CACNA1E: variants seen among roughly 807,000 people sequenced by gnomAD.
The protein encoded by CACNA1E is voltage-dependent R-type calcium channel subunit alpha-1E.
In CACNA1E, 40 loss-of-function variants were observed where a neutral mutation model predicts 259.2. The observed-to-expected ratio is 0.15, with a 90% confidence interval of 0.12 to 0.20. The LOEUF (loss-of-function observed/expected upper bound fraction) is 0.20. CACNA1E is among the 10% of genes least tolerant of loss of function. The probability of loss-of-function intolerance (pLI) is 1.00; values close to 1 mark genes in which losing one functional copy is unlikely to be tolerated. For synonymous variants in CACNA1E, 1,104 were observed against 1,138.5 expected, an observed-to-expected ratio of 0.97 and a Z score of 0.61; for missense variants, 1,874 against 3,040.1, an observed-to-expected ratio of 0.62 and a Z score of 9.02.
chr1:181,699,073 A>G (rs576434644), intron 7 of CACNA1E, among the ~76,000 whole-genome samples: 1 of 152,354 alleles, frequency 6.6e-6, no homozygotes, highest in Non-Finnish European at 1.5e-5. Context: ...GTCCTGGTAG[A>G]GAATTCTTAG....
upstream of CACNA1E, among the ~76,000 whole-genome samples, chr1:181,481,336 A>T (rs185462882): frequency 7.6e-3 from 248 of 32,844 alleles, 2 homozygotes; most frequent in African/African-American, 0.027. Context: ...GAATTTTCCT[A>T]CACACACACA....
upstream of CACNA1E, among the ~76,000 whole-genome samples, chr1:181,481,130 G>A (rs1226539670): frequency 6.6e-6 from 1 of 152,176 alleles, no homozygotes. Context: ...TATTCAGACA[G>A]AAGAGGACCC....
intron 1 of CACNA1E, among the ~76,000 whole-genome samples, chr1:181,366,333 A>G (rs978385703): frequency 2.0e-5 from 3 of 152,180 alleles, no homozygotes; most frequent in Non-Finnish European, 4.4e-5. Context: ...AAGGCAATGC[A>G]ATGTGCTAGA....
chr1:181,472,734 C>T (rs648357), intron 2 of CACNA1E, among the ~76,000 whole-genome samples: 1 of 152,138 alleles, frequency 6.6e-6, no homozygotes, highest in Non-Finnish European at 1.5e-5. Flanking sequence ...TGTGTGTGCG[C>T]GCGCACTTGA....
At chr1:181,360,640 A>T (rs535554760) in intron 1 of CACNA1E, among the ~76,000 whole-genome samples, 2 of 152,232 alleles carry the variant, frequency 1.3e-5, no homozygotes, top group African/African-American at 4.8e-5. Context: ...TGAGGAATGG[A>T]AATGTTCTGG....
chr1:181,721,474 A>G (rs1220698041), intron 15 of CACNA1E, among the ~76,000 whole-genome samples: 2 of 152,202 alleles, frequency 1.3e-5, no homozygotes, highest in Non-Finnish European at 2.9e-5. Context: ...CATTTCCACA[A>G]GGACCTTGCA....
chr1:181,386,971 T>C (rs1032004400), intron 1 of CACNA1E, among the ~76,000 whole-genome samples: 2 of 152,220 alleles, frequency 1.3e-5, no homozygotes, highest in Non-Finnish European at 2.9e-5. Flanking sequence ...GTTCATTGAA[T>C]AACTTTTGTT....
At chr1:181,552,469 A>G (rs572057609) in intron 3 of CACNA1E, among the ~76,000 whole-genome samples, 2 of 151,972 alleles carry the variant, frequency 1.3e-5, no homozygotes, top group South Asian at 2.1e-4. Context: ...ATATCCAACT[A>G]TCTACTTGTC....
intron 25 of CACNA1E, among the ~76,000 whole-genome samples, chr1:181,744,736 CT>C (rs146294903): frequency 0.012 from 1,800 of 152,296 alleles, 43 homozygotes; most frequent in African/African-American, 0.041. Flanking sequence ...GCACATTAAT[CT>C]TGGAGGCAAA....
chr1:181,781,275 G>GTT (rs1051129231), intron 38 of CACNA1E, among the ~76,000 whole-genome samples, 152 bp from the exon 39 acceptor site: 1 of 152,020 alleles, frequency 6.6e-6, no homozygotes, highest in Admixed American at 6.6e-5. Context: ...TTCTTCTCCT[G>GTT]TTTTCTGTAT....
At chr1:181,333,478 C>T (rs1454517171) in intron 1 of CACNA1E, among the ~76,000 whole-genome samples, 2 of 152,212 alleles carry the variant, frequency 1.3e-5, no homozygotes, top group Admixed American at 6.5e-5. Context: ...GAAGCAGCCA[C>T]AGCCAATACA....
chr1:181,737,689 G>C (rs750653061), intron 23 of CACNA1E, 35 bp downstream of exon 23: 18 of 1,598,362 alleles, frequency 1.1e-5, no homozygotes, highest in Non-Finnish European at 1.5e-5. Context: ...AGCCTCTGTA[G>C]TGCTCTGGTG....
At chr1:181,537,521 T>C (rs545904565) in intron 3 of CACNA1E, among the ~76,000 whole-genome samples, 8 of 152,230 alleles carry the variant, frequency 5.3e-5, no homozygotes, top group Non-Finnish European at 1.0e-4. Flanking sequence ...TGTATGTATA[T>C]AGAAAATGAT....
At chr1:181,653,031 T>C (rs1658897079) in intron 7 of CACNA1E, among the ~76,000 whole-genome samples, 1 of 152,096 alleles carries the variant, frequency 6.6e-6, no homozygotes, top group African/African-American at 2.4e-5. Flanking sequence ...TTTATACTGA[T>C]ATTTGGGAGA....
intron 1 of CACNA1E, among the ~76,000 whole-genome samples, chr1:181,348,623 A>G (rs945060161): frequency 4.6e-5 from 7 of 152,078 alleles, no homozygotes; most frequent in African/African-American, 1.7e-4. Flanking sequence ...TTGTTGCCTC[A>G]GTGGTTTTTG....
intron 3 of CACNA1E, among the ~76,000 whole-genome samples, chr1:181,549,163 A>G (rs1012845136): frequency 2.6e-5 from 4 of 152,230 alleles, no homozygotes; most frequent in African/African-American, 9.6e-5. Flanking sequence ...GAGTGGCGTC[A>G]GGATGGGCAG....
intron 6 of CACNA1E, among the ~76,000 whole-genome samples, chr1:181,603,229 G>C (rs1259722828): frequency 6.6e-6 from 1 of 152,204 alleles, no homozygotes; most frequent in Non-Finnish European, 1.5e-5. Context: ...GCTGTTCTAA[G>C]AGCGCTCTGT....
At chr1:181,629,796 A>C (rs1158575116) in intron 6 of CACNA1E, among the ~76,000 whole-genome samples, 1 of 152,186 alleles carries the variant, frequency 6.6e-6, no homozygotes, top group Admixed American at 6.5e-5. Context: ...AACTCAGAAA[A>C]ATGCAAATTA....
chr1:181,793,432 C>T (rs536326645), intron 44 of CACNA1E, among the ~76,000 whole-genome samples: 5 of 152,338 alleles, frequency 3.3e-5, no homozygotes, highest in African/African-American at 9.6e-5. Flanking sequence ...GAGGAATCTA[C>T]ACCAGAAAAA....
Sources: gnomAD v4.1 joint callset for allele counts (sites outside exome capture counted in the v4.1 genomes callset) on GRCh38, gnomAD v4.1.1 for gene constraint, MANE v1.5 for transcripts, NCBI Gene and HGNC (gene_info 2026-07-23, HGNC 2026-07-21) for gene names.